Variants in GABRB2 observed in about 807,000 individuals in gnomAD.
GABRB2 encodes gamma-aminobutyric acid receptor subunit beta-2.
Under a neutral mutation model 54.7 loss-of-function variants are expected in GABRB2, and 16 were observed. The observed-to-expected ratio is 0.29, with a 90% CI of 0.20 to 0.44. The LOEUF (loss-of-function observed/expected upper bound fraction) is 0.44. Among genes scored for constraint, GABRB2 ranks in the 20% least tolerant of loss-of-function variants. The pLI, the probability that GABRB2 is intolerant of heterozygous loss-of-function variation, is 1.00. For synonymous variants in GABRB2, 244 were observed against 233.8 expected (o/e 1.04, Z -0.40); for missense variants, 355 against 644.0 (o/e 0.55, Z 4.86).
rs773513567 is a variant in GABRB2 at position 161,334,748 on chromosome 5, C to A, written c.832+4G>T. On this transcript the variant is annotated splice_donor_region_variant and intron_variant, in intron 7 of 9. Coordinates refer to ENST00000393959, the MANE Select transcript of GABRB2 (RefSeq NM_001371727.1). ...AATCCACAAGCAGTAATAAAATGGC[C>A]TACCTAATGCCACCCTTGCAGCTGA... is the stretch of plus-strand genomic sequence containing the variant. 6.2e-7 allele frequency: 1 copy of A among 1,613,102 alleles called. No homozygotes were observed. Among genetic ancestry groups the A allele is most frequent in the Admixed American group, 1.7e-5 (1 of 59,860 alleles).
chr5:161,333,028 A>G (rs920872586), intron 7 of GABRB2, among the ~76,000 whole-genome samples: 2 of 152,186 alleles, frequency 1.3e-5, no homozygotes, highest in African/African-American at 4.8e-5. Context: ...TACGTATATA[A>G]TAAAACTGAC....
chr5:161,339,570 A>G (rs908652940), intron 5 of GABRB2, among the ~76,000 whole-genome samples: 17 of 152,170 alleles, frequency 1.1e-4, no homozygotes, highest in African/African-American at 4.1e-4. Flanking sequence ...CAAATGAAAA[A>G]GATAATGATA....
At chr5:161,410,947 G>T in intron 5 of GABRB2, 28 bp downstream of exon 5, 1 of 1,575,538 alleles carries the variant, frequency 6.3e-7, no homozygotes, top group Non-Finnish European at 8.7e-7. Flanking sequence ...GCAGAGTCCA[G>T]TCTAGCTGGA....
intron 4 of GABRB2, among the ~76,000 whole-genome samples, chr5:161,416,214 G>T (rs1409329760): frequency 6.6e-6 from 1 of 152,092 alleles, no homozygotes; most frequent in African/African-American, 2.4e-5. Context: ...TGTTGAGATT[G>T]CAGAGATGAG....
intron 3 of GABRB2, among the ~76,000 whole-genome samples, chr5:161,489,423 A>G (rs1759031477): frequency 6.6e-6 from 1 of 151,724 alleles, no homozygotes; most frequent in Non-Finnish European, 1.5e-5. Flanking sequence ...TAATGTTATC[A>G]GATAGACATT....
Position 161,454,282 on chromosome 5 carries a change from G to T in GABRB2, c.458+5342C>A, listed in dbSNP as rs1047753782. Among the ~76,000 whole-genome samples the T allele has an allele frequency of 3.3e-5, 5 of 152,284 alleles. No homozygotes were observed. The South Asian group carries it at 1.0e-3, about 32-fold the overall frequency. On this transcript the variant is annotated intron_variant, in intron 4 of 9. Transcript: ENST00000393959. ...CATGACCACCTGGGTCCCATGCCAG[G>T]CATCTAATTTCCTCACTTGTGATCT...
intron 3 of GABRB2, among the ~76,000 whole-genome samples, chr5:161,492,294 G>C (rs749950267): frequency 1.3e-5 from 2 of 151,484 alleles, no homozygotes; most frequent in Non-Finnish European, 3.0e-5. Context: ...GTGCTTCTTC[G>C]TCTCTTCTCT....
At chr5:161,546,482 CCTA>C in intron 1 of GABRB2, 69 bp from the exon 2 acceptor site, 3 of 1,570,022 alleles carry the variant, frequency 1.9e-6, no homozygotes, top group East Asian at 2.3e-5. Flanking sequence ...GCATCGGATC[CCTA>C]CTACATTTCC....
rs1757221456 is a variant in GABRB2, at chr5:161,290,940, A to T, written c.*3141T>A. 1.3e-5 allele frequency: 2 copies of T among 152,470 alleles called. No homozygotes were observed. Among genetic ancestry groups the T allele is most frequent in the Non-Finnish European group, 2.9e-5 (2 of 67,984 alleles). The allele number at this position is 152,470 out of a possible 1,614,324, so 9.4% of individuals were successfully genotyped here. On this transcript the variant is annotated 3_prime_UTR_variant, in exon 10 of 10. Coordinates refer to ENST00000393959, the MANE Select transcript of GABRB2 (RefSeq NM_001371727.1). ...GTCTTTTGGTTCATAAACCATTTTT[A>T]TTATTATTATTTTACTTAGCACTGC...
chr5:161,477,283 G>GAAAAAAAAAAAA (rs1758621877), intron 3 of GABRB2, among the ~76,000 whole-genome samples: 1 of 19,036 alleles, frequency 5.3e-5, no homozygotes. Flanking sequence ...ACAAACAAAA[G>GAAAAAAAAAAAA]CAAAAAAAAA....
intron 4 of GABRB2, among the ~76,000 whole-genome samples, chr5:161,420,092 T>C (rs1756803828): frequency 6.6e-6 from 1 of 152,230 alleles, no homozygotes; most frequent in Admixed American, 6.5e-5. Flanking sequence ...AACAAATGCC[T>C]CAATATGCCA....
chr5:161,540,527 A>C (rs757441312), intron 3 of GABRB2, among the ~76,000 whole-genome samples: 5 of 152,186 alleles, frequency 3.3e-5, no homozygotes, highest in Non-Finnish European at 5.9e-5. Flanking sequence ...TCCTCTCATG[A>C]ATCATGAATG....
chr5:161,487,080 A>T (rs1356627660), intron 3 of GABRB2, among the ~76,000 whole-genome samples: 1 of 151,950 alleles, frequency 6.6e-6, no homozygotes, highest in Non-Finnish European at 1.5e-5. Flanking sequence ...AAGAATTGAT[A>T]TTCTTTCTAG....
chr5:161,402,475 C>T (rs938541644), intron 5 of GABRB2, among the ~76,000 whole-genome samples: 1 of 152,070 alleles, frequency 6.6e-6, no homozygotes, highest in Non-Finnish European at 1.5e-5. Flanking sequence ...GTAATAAATC[C>T]ATACTAGCAT....
chr5:161,341,003 T>C (rs1490535791), intron 5 of GABRB2, among the ~76,000 whole-genome samples: 12 of 152,014 alleles, frequency 7.9e-5, no homozygotes, highest in Non-Finnish European at 1.5e-4. Flanking sequence ...CTCTTGACTT[T>C]ATTTTAGGCT....
intron 5 of GABRB2, among the ~76,000 whole-genome samples, chr5:161,343,984 G>A (rs573380566): frequency 6.6e-6 from 1 of 152,078 alleles, no homozygotes. Flanking sequence ...AGATAGTGAA[G>A]TTCTGATAAA....
At chr5:161,449,659 G>GT (rs1183367422) in intron 4 of GABRB2, among the ~76,000 whole-genome samples, 9 of 152,100 alleles carry the variant, frequency 5.9e-5, no homozygotes, top group Admixed American at 2.0e-4. Context: ...CAGTCTAAAT[G>GT]TAAGACAAAT....
At chr5:161,503,668 C>T (rs1759515128) in intron 3 of GABRB2, among the ~76,000 whole-genome samples, 1 of 141,306 alleles carries the variant, frequency 7.1e-6, no homozygotes. Flanking sequence ...GAGATCGCGC[C>T]ATTGCACTCC....
intron 9 of GABRB2, among the ~76,000 whole-genome samples, chr5:161,318,098 A>G (rs1001715190): frequency 1.3e-5 from 2 of 151,944 alleles, no homozygotes; most frequent in South Asian, 2.1e-4. Flanking sequence ...ATTTTTGACT[A>G]TTATGTAAAT....
Sources: gnomAD v4.1 joint callset for allele counts (sites outside exome capture counted in the v4.1 genomes callset) on GRCh38, gnomAD v4.1.1 for gene constraint, MANE v1.5 for transcripts, NCBI Gene and HGNC (gene_info 2026-07-23, HGNC 2026-07-21) for gene names.